The following TJP3 variants were observed in gnomAD, a reference collection of about 807,000 sequenced individuals.
The protein encoded by TJP3 is tight junction protein 3, also known as tight junction protein ZO-3.
In TJP3, 85 loss-of-function variants were observed where a neutral mutation model predicts 104.2. The observed-to-expected ratio is 0.82, with a 90% CI of 0.68 to 0.98. TJP3 has a LOEUF of 0.98. Ranked by LOEUF, TJP3 falls within the 50% of genes least tolerant of loss-of-function variation. The pLI, the probability that TJP3 is intolerant of heterozygous loss-of-function variation, is 0.00. For missense variants in TJP3, 1,367 were observed against 1,322.8 expected, an observed-to-expected ratio of 1.03 and a Z score of -0.52; for synonymous variants, 550 against 550.6, an observed-to-expected ratio of 1.00 and a Z score of 0.02.
At chr19:3,749,694 T>C (rs548225154) in intron 19 of TJP3, 2 of 181,948 alleles carry the variant, frequency 1.1e-5, no homozygotes, top group African/African-American at 2.4e-5. Flanking sequence ...TCTTAGTGTA[T>C]ATGCCTCAGC....
chr19:3,727,941 C>CA (rs1006387913), intron 1 of TJP3, among the ~76,000 whole-genome samples: 24 of 150,558 alleles, frequency 1.6e-4, no homozygotes, highest in African/African-American at 4.9e-4. Flanking sequence ...GACTCCGCCT[C>CA]AAAAAAAACA....
intron 12 of TJP3, 107 bp from the exon 13 acceptor site, chr19:3,738,790 C>G: frequency 7.5e-7 from 1 of 1,326,770 alleles, no homozygotes; most frequent in Non-Finnish European, 1.1e-6. Context: ...CTCCCTGGCC[C>G]CTACAGGGAG....
In TJP3 at chr19:3,750,118, C is replaced by T. The variant is rs1409334794; in HGVS notation, c.2611-20C>T. The T allele has an allele frequency of 2.5e-6, 4 of 1,613,936 alleles. No individual in the cohort carries two copies. The South Asian group carries it at 4.4e-5, about 18-fold the overall frequency. On this transcript the variant is annotated intron_variant, in intron 19 of 20. Coordinates refer to ENST00000541714, the MANE Select transcript of TJP3 (RefSeq NM_001267560.2). Reference sequence around the variant, plus strand: ...TGCTCTGGGGGGAGTTTTGAAGCTCCTCTCTCCCTCTCCTCCAAGGTGGAC... The same window carrying T: ...TGCTCTGGGGGGAGTTTTGAAGCTCTTCTCTCCCTCTCCTCCAAGGTGGAC...
At chr19:3,743,061 C>G (rs555406958) in intron 14 of TJP3, among the ~76,000 whole-genome samples, 1 of 151,738 alleles carries the variant, frequency 6.6e-6, no homozygotes, top group Non-Finnish European at 1.5e-5. Context: ...GTCAGGAGTT[C>G]GAGATCAGCT....
intron 3 of TJP3, among the ~76,000 whole-genome samples, chr19:3,729,039 T>G (rs1459975619): frequency 6.6e-6 from 1 of 151,862 alleles, no homozygotes; most frequent in Non-Finnish European, 1.5e-5. Context: ...GGTGACAGAG[T>G]GAGACTCTGT....
intron 1 of TJP3, among the ~76,000 whole-genome samples, chr19:3,710,148 C>CAAA (rs34705583): frequency 1.1e-5 from 1 of 88,784 alleles, no homozygotes. Context: ...GACTCTGTCT[C>CAAA]AAAAAAAAAA....
chr19:3,721,065 T>C (rs2145671036), intron 1 of TJP3, among the ~76,000 whole-genome samples: 1 of 152,066 alleles, frequency 6.6e-6, no homozygotes, highest in Non-Finnish European at 1.5e-5. Flanking sequence ...CACGCCCGGC[T>C]AATTTTTGTA....
At chr19:3,748,981 C>T (rs2036949043) in intron 19 of TJP3, among the ~76,000 whole-genome samples, 1 of 150,784 alleles carries the variant, frequency 6.6e-6, no homozygotes, top group Non-Finnish European at 1.5e-5. Flanking sequence ...CCCTCAGACT[C>T]CCAGGTAGCT....
At chr19:3,721,621 C>T (rs2036542613) in intron 1 of TJP3, 1 of 294,702 alleles carries the variant, frequency 3.4e-6, no homozygotes, top group Non-Finnish European at 6.2e-6. Context: ...GTTTCCGCCT[C>T]AGGACCTGGC....
At position 3,746,825 on chromosome 19, in the gene TJP3, G is replaced by T. The variant is rs902170296; in HGVS notation, c.2271G>T (p.Lys757Asn). Residue 757 changes from lysine (K) to asparagine (N), a missense_variant, in exon 18 of 21, where the codon AAG becomes AAT. Transcript: ENST00000541714. The surrounding 1 kb of genome is among the most constrained non-coding windows in gnomAD (Gnocchi z 4.1). ...GTSDTWYQEL[K>N]AIIREQQTRP... ...GTGACACCTGGTACCAGGAGCTCAA[G>T]GCCATCATTCGAGAGCAGCAGACGC... The T allele has an allele frequency of 5.6e-6, 9 of 1,612,264 alleles. No individual in the cohort carries two copies. The highest frequency in any genetic ancestry group is 6.8e-6 in the Non-Finnish European group (8 of 1,179,336).
intron 7 of TJP3, 92 bp from the exon 8 acceptor site, chr19:3,734,235 T>G: frequency 7.4e-7 from 1 of 1,346,412 alleles, no homozygotes; most frequent in Middle Eastern, 1.9e-4. Context: ...CTAGGGCCCT[T>G]TGTTTAGAGG....
chr19:3,750,051 G>C, intron 19 of TJP3, 87 bp from the exon 20 acceptor site: 1 of 1,571,460 alleles, frequency 6.4e-7, no homozygotes. Flanking sequence ...CCGGGCCAAG[G>C]TGGGGGATGG....
At chr19:3,716,389 A>G (rs2036477232) in intron 1 of TJP3, among the ~76,000 whole-genome samples, 1 of 148,324 alleles carries the variant, frequency 6.7e-6, no homozygotes, top group South Asian at 2.3e-4. Context: ...TGAACACCAA[A>G]ATGTCTCAAG....
At position 3,730,128 on chromosome 19, in the gene TJP3, A is replaced by G. The variant is rs1289338235; in HGVS notation, c.259A>G (p.Ile87Val). 3.1e-6 allele frequency: 5 copies of G among 1,613,856 alleles called. No individual in the cohort carries two copies. Among genetic ancestry groups the G allele is most frequent in the African/African-American group, 2.7e-5 (2 of 74,898 alleles). The change falls in exon 4 of 21, where the codon ATC becomes GTC. Residue 87 changes from isoleucine (I) to valine (V), a missense_variant and splice_region_variant. Transcript: ENST00000541714. The surrounding 1 kb of genome is among the most constrained non-coding windows in gnomAD (Gnocchi z 7.3). ...CAAGACCTGCACCAAGATGGCCAACATCGTGAGTAGGCAGCCCCTGGCATG... is the reference window on the plus strand; with the variant it reads ...CAAGACCTGCACCAAGATGGCCAACGTCGTGAGTAGGCAGCCCCTGGCATG... ...ILKTCTKMAN[I>V]TVKRPRRIHL...
At chr19:3,713,933 G>A (rs1172237178) in intron 1 of TJP3, among the ~76,000 whole-genome samples, 1 of 151,020 alleles carries the variant, frequency 6.6e-6, no homozygotes. Context: ...CACCGTGTTG[G>A]CCAGGATGGT....
intron 19 of TJP3, chr19:3,749,742 C>A (rs539677675): frequency 3.4e-5 from 8 of 234,310 alleles, no homozygotes; most frequent in Non-Finnish European, 6.7e-5. Context: ...ATGTAAAAAT[C>A]TATGAATCAA....
chr19:3,733,057 A>G (rs2036692975), intron 6 of TJP3, among the ~76,000 whole-genome samples: 1 of 130,054 alleles, frequency 7.7e-6, no homozygotes. Context: ...TCTTTTTGAT[A>G]TGGAGTGTCG....
Position 3,716,798 on chromosome 19 carries a change from TA to T in TJP3, c.-10+8238del, listed in dbSNP as rs1355693906. Among the ~76,000 whole-genome samples, 391 of 62,156 alleles carry T rather than the reference TA, an allele frequency of 6.3e-3. 8 individuals are homozygous for T. Among genetic ancestry groups the T allele is most frequent in the African/African-American group, 0.018 (346 of 19,102 alleles). The allele number at this position is 62,156 out of a possible 152,430, so 40.8% of individuals were successfully genotyped here. ...GCTCATACATATATATATATATATA[TA>T]TATTTTTTTTTTTTTTTTGAAACAG... On this transcript the variant is annotated intron_variant, in intron 1 of 20. Transcript: ENST00000541714.
chr19:3,721,948 G>A (rs932088536), intron 1 of TJP3: 13 of 1,156,582 alleles, frequency 1.1e-5, no homozygotes, highest in African/African-American at 1.6e-5. Context: ...GGAGGGGCTC[G>A]GGCTGAGGTG....
Sources: allele counts gnomAD v4.1 joint callset (sites outside exome capture counted in the v4.1 genomes callset), GRCh38; gene constraint gnomAD v4.1.1; non-coding constraint Gnocchi (gnomAD v3.1); transcripts MANE v1.5; gene names NCBI Gene and HGNC (gene_info 2026-07-23, HGNC 2026-07-21).